RERE: variants seen among roughly 807,000 people sequenced by gnomAD.
RERE encodes arginine-glutamic acid dipeptide repeats.
Under a neutral mutation model 146.1 loss-of-function variants are expected in RERE, and 40 were observed. That is an observed-to-expected ratio of 0.27 (90% CI 0.21 to 0.36). The LOEUF (loss-of-function observed/expected upper bound fraction) is 0.36. Ranked by LOEUF, RERE falls within the 10% of genes least tolerant of loss-of-function variation. The pLI, the probability that RERE is intolerant of heterozygous loss-of-function variation, is 1.00. For missense variants in RERE, 1,933 were observed against 2,138.7 expected (o/e 0.90, Z 1.90); for synonymous variants, 1,003 against 866.0 (o/e 1.16, Z -2.78).
intron 1 of RERE, among the ~76,000 whole-genome samples, chr1:8,806,226 T>C (rs1180387451): frequency 6.6e-6 from 1 of 152,140 alleles, no homozygotes; most frequent in East Asian, 1.9e-4. Context: ...AGGTATAAAA[T>C]TGTTATTATC....
At chr1:8,554,586 G>C (rs1039923012) in intron 6 of RERE, among the ~76,000 whole-genome samples, 1 of 148,852 alleles carries the variant, frequency 6.7e-6, no homozygotes. Flanking sequence ...ACTTGGGGAG[G>C]TAGGATTGCC....
chr1:8,409,407 A>G (rs1038813210), intron 12 of RERE, among the ~76,000 whole-genome samples: 4 of 152,250 alleles, frequency 2.6e-5, no homozygotes, highest in Admixed American at 2.0e-4. Flanking sequence ...AGAACTGTCC[A>G]CACTTCTGTC....
chr1:8,607,163 C>A (rs1646724303), intron 4 of RERE, among the ~76,000 whole-genome samples: 1 of 152,032 alleles, frequency 6.6e-6, no homozygotes, highest in South Asian at 2.1e-4. Context: ...GAGTTCGAGA[C>A]CAGCCTGGGC....
intron 10 of RERE, among the ~76,000 whole-genome samples, chr1:8,471,905 G>A (rs1284070859): frequency 2.6e-5 from 4 of 152,064 alleles, no homozygotes; most frequent in East Asian, 1.9e-4. Flanking sequence ...TCTGCCTCCC[G>A]GATTCATGTG....
intron 2 of RERE, among the ~76,000 whole-genome samples, chr1:8,627,609 A>AAC (rs1646990387): frequency 6.6e-6 from 1 of 151,594 alleles, no homozygotes; most frequent in South Asian, 2.1e-4. Flanking sequence ...AAAAAAAAAA[A>AAC]AAACCTGAAA....
chr1:8,603,794 C>CA (rs1646663013), intron 4 of RERE, among the ~76,000 whole-genome samples: 1 of 151,698 alleles, frequency 6.6e-6, no homozygotes, highest in South Asian at 2.1e-4. Flanking sequence ...CCTGTCTTTA[C>CA]AAAAAATTTT....
intron 1 of RERE, among the ~76,000 whole-genome samples, chr1:8,690,627 T>C (rs1346474237): frequency 6.6e-6 from 1 of 152,238 alleles, no homozygotes; most frequent in Non-Finnish European, 1.5e-5. Context: ...TGGTGGAGAA[T>C]AATAGCTAAG....
At chr1:8,786,984 G>A in intron 1 of RERE, 1 of 615,710 alleles carries the variant, frequency 1.6e-6, no homozygotes, top group Non-Finnish European at 2.9e-6. Context: ...AGCAGCCAAA[G>A]TGATCTTTAT....
intron 1 of RERE, among the ~76,000 whole-genome samples, chr1:8,660,348 T>A (rs1273021829): frequency 6.6e-6 from 1 of 151,840 alleles, no homozygotes; most frequent in Non-Finnish European, 1.5e-5. Flanking sequence ...AGAAGGAGAG[T>A]TGTCACTTCA....
At chr1:8,574,563 G>A (rs1477735347) in intron 4 of RERE, among the ~76,000 whole-genome samples, 3 of 151,748 alleles carry the variant, frequency 2.0e-5, no homozygotes, top group Non-Finnish European at 2.9e-5. Context: ...TAGCCAGGAC[G>A]GTCTCAATCT....
At chr1:8,408,251 C>G (rs1038988565) in intron 12 of RERE, among the ~76,000 whole-genome samples, 14 of 151,988 alleles carry the variant, frequency 9.2e-5, no homozygotes, top group South Asian at 2.1e-4. Flanking sequence ...ATCAAGCTTA[C>G]GGGAAATAAA....
Position 8,361,206 on chromosome 1 carries a change from C to A in RERE, c.2301G>T (p.Thr767=), listed in dbSNP as rs200525791. ...GTGGGGGAACTGCAGTGGCAGAGGG[C>A]GTGGGCCCTGGCGTGGGCAGCTGAG... ...GTPQLPTPGP[T]PSATAVPPQG... is the part of the protein sequence containing the mutation. The change falls in exon 18 of 23, where the codon ACG becomes ACT. Residue 767 remains threonine (T), a synonymous_variant. Transcript: ENST00000400908. 33 of 1,503,626 alleles carry A rather than the reference C, an allele frequency of 2.2e-5. No individual in the cohort carries two copies. In the African/African-American group the frequency reaches 4.4e-4, roughly 20 times the overall value. The allele number at this position is 1,503,626 out of a possible 1,614,324, so 93.1% of individuals were successfully genotyped here. A position where few individuals can be genotyped will look rare whatever the true frequency, so the allele number is the denominator to read the frequency against.
At chr1:8,702,051 T>C (rs1259507283) in intron 1 of RERE, among the ~76,000 whole-genome samples, 18 of 151,350 alleles carry the variant, frequency 1.2e-4, no homozygotes, top group Non-Finnish European at 1.9e-4. Flanking sequence ...CTACTTTAAA[T>C]TTGGAGTTTC....
intron 12 of RERE, among the ~76,000 whole-genome samples, chr1:8,397,885 A>G (rs1461280630): frequency 2.0e-5 from 3 of 152,246 alleles, no homozygotes; most frequent in African/African-American, 7.2e-5. Flanking sequence ...GCAACTTTCA[A>G]CTTTAATTCA....
At chr1:8,575,882 A>G (rs1203361415) in intron 4 of RERE, among the ~76,000 whole-genome samples, 1 of 152,186 alleles carries the variant, frequency 6.6e-6, no homozygotes, top group Non-Finnish European at 1.5e-5. Context: ...TCTACAATGT[A>G]ACTGAACTGC....
chr1:8,378,644 G>T (rs1642344834), intron 12 of RERE, among the ~76,000 whole-genome samples: 1 of 152,212 alleles, frequency 6.6e-6, no homozygotes, highest in Admixed American at 6.5e-5. Flanking sequence ...GAGGCCTCAG[G>T]AGAACCAACC....
intron 1 of RERE, among the ~76,000 whole-genome samples, chr1:8,776,901 G>C (rs1240927083): frequency 6.7e-6 from 1 of 150,122 alleles, no homozygotes; most frequent in Non-Finnish European, 1.5e-5. Flanking sequence ...TTTTTTTTTG[G>C]TAATTTTTGT....
chr1:8,622,506 A>C (rs1282159178), intron 3 of RERE, among the ~76,000 whole-genome samples: 28 of 139,408 alleles, frequency 2.0e-4, no homozygotes, highest in South Asian at 4.5e-4. Context: ...AAAAAAAAAA[A>C]AAAAACACAC....
At chr1:8,816,032 AGAT>A (rs1641905380) in intron 1 of RERE, among the ~76,000 whole-genome samples, 1 of 152,176 alleles carries the variant, frequency 6.6e-6, no homozygotes, top group South Asian at 2.1e-4. Flanking sequence ...ATCAACCCAA[AGAT>A]GATTTTATTA....
Sources: allele counts gnomAD v4.1 joint callset (sites outside exome capture counted in the v4.1 genomes callset), GRCh38; gene constraint gnomAD v4.1.1; transcripts MANE v1.5; gene names NCBI Gene and HGNC (gene_info 2026-07-23, HGNC 2026-07-21).